The following MIER3 variants were observed in gnomAD, a reference collection of about 807,000 sequenced individuals.
MIER3 encodes the protein mesoderm induction early response protein 3.
Under a neutral mutation model 63.2 loss-of-function variants are expected in MIER3, and 9 were observed. The observed-to-expected ratio is 0.14, with a 90% confidence interval of 0.09 to 0.25. The LOEUF (loss-of-function observed/expected upper bound fraction) is 0.25. MIER3 is among the 10% of genes least tolerant of loss of function. MIER3 has a pLI of 1.00. For missense variants in MIER3, 512 were observed against 666.2 expected (o/e 0.77, Z 2.55); for synonymous variants, 205 against 224.9 (o/e 0.91, Z 0.79).
intron 2 of MIER3, among the ~76,000 whole-genome samples, chr5:56,948,076 A>G (rs974484272): frequency 6.6e-6 from 1 of 152,210 alleles, no homozygotes; most frequent in African/African-American, 2.4e-5. Flanking sequence ...TACTCAACAT[A>G]AAAAGTTTAA....
At position 56,950,585 on chromosome 5, in the gene MIER3, T is replaced by G. The variant is rs375274921; in HGVS notation, c.34+43A>C. ...TAGCAACAGACCTTTGAGCCCACAT[T>G]ACCCACTGGGAACCACCGAAGACGT... On this transcript the variant is annotated intron_variant, in intron 2 of 12. Coordinates refer to ENST00000381199, the MANE Select transcript of MIER3 (RefSeq NM_001297599.2). 1.5e-5 allele frequency: 24 copies of G among 1,608,168 alleles called. No individual in the cohort carries two copies. In the South Asian group the frequency reaches 2.4e-4, roughly 16 times the overall value.
chr5:56,951,715 G>A (rs1751040045), intron 1 of MIER3, among the ~76,000 whole-genome samples: 1 of 138,434 alleles, frequency 7.2e-6, no homozygotes, highest in Non-Finnish European at 1.6e-5. Flanking sequence ...GGCTCCGCCG[G>A]TTTCCACCCA....
Position 56,923,827 on chromosome 5 carries a change from A to G in MIER3, c.1059T>C (p.Tyr353=), listed in dbSNP as rs142734866. ...RYNHHPGVTD[Y]MDRLVDETEA... is the part of the protein sequence containing the mutation. ...CTGTTTCATCTACTAAACGATCCAT[A>G]TAGTCCCTGAAAAACACACCCCAGT... The change falls in exon 12 of 13, where the codon TAT becomes TAC. Residue 353 remains tyrosine (Y), a synonymous_variant. Coordinates refer to ENST00000381199, the MANE Select transcript of MIER3 (RefSeq NM_001297599.2). 13 of 1,614,172 alleles carry G rather than the reference A, an allele frequency of 8.1e-6. No homozygotes were observed. The African/African-American group carries it at 1.6e-4, about 20-fold the overall frequency.
intron 10 of MIER3, 47 bp from the exon 11 acceptor site, chr5:56,924,089 T>G: frequency 6.3e-7 from 1 of 1,582,836 alleles, no homozygotes; most frequent in Non-Finnish European, 8.6e-7. Context: ...CTCAACCATT[T>G]TTTTAAGCAA....
Position 56,921,380 on chromosome 5 carries a change from G to T in MIER3, c.*1748C>A, listed in dbSNP as rs925044535. 1 of 152,310 alleles carries T rather than the reference G, an allele frequency of 6.6e-6. No individual in the cohort carries two copies. Among genetic ancestry groups the T allele is most frequent in the African/African-American group, 2.4e-5 (1 of 41,436 alleles). The allele number at this position is 152,310 out of a possible 1,614,324, so 9.4% of individuals were successfully genotyped here. A position where few individuals can be genotyped will look rare whatever the true frequency, so the allele number is the denominator to read the frequency against. On this transcript the variant is annotated 3_prime_UTR_variant, in exon 13 of 13. Transcript: ENST00000381199. ...TACAAGAAAGTAACACAGAGCCCAG[G>T]CTACCCATTATTTACTGTGTGCATA...
chr5:56,946,787 C>T (rs62356563), intron 3 of MIER3, 139 bp downstream of exon 3: 10,917 of 655,222 alleles, frequency 0.017, 135 homozygotes, highest in Non-Finnish European at 0.02. Context: ...TGAAAGCATA[C>T]TTATTAGGCT....
chr5:56,950,143 T>C (rs990977474), intron 2 of MIER3, among the ~76,000 whole-genome samples: 1 of 152,216 alleles, frequency 6.6e-6, no homozygotes, highest in Admixed American at 6.5e-5. Flanking sequence ...TTTATTAAGG[T>C]AGCTTTACCT....
At chr5:56,931,005 T>A (rs78130637) in intron 8 of MIER3, among the ~76,000 whole-genome samples, 1 of 137,196 alleles carries the variant, frequency 7.3e-6, no homozygotes, top group African/African-American at 2.7e-5. Flanking sequence ...GACTTTTTTT[T>A]AAAAACAAAC....
At chr5:56,928,736 T>C in intron 10 of MIER3, 31 bp downstream of exon 10, 1 of 1,477,420 alleles carries the variant, frequency 6.8e-7, no homozygotes, top group Non-Finnish European at 9.3e-7. Flanking sequence ...CTGTAACTAG[T>C]AATTTATCTG....
chr5:56,923,255 G>T lies in MIER3; in HGVS notation c.1526C>A (p.Thr509Lys). 6.2e-7 allele frequency: 1 copy of T among 1,614,120 alleles called. No individual in the cohort carries two copies. The highest frequency in any genetic ancestry group is 8.5e-7 in the Non-Finnish European group (1 of 1,180,024). ...CATTTTGGCACTGGTGATGTGATGT[G>T]TGTGATTTTCAAAGTCCACACCCAG... ...NNLGVDFENH[T>K]HHITSAKMAV... The change falls in exon 13 of 13, where the codon ACA becomes AAA. Residue 509 changes from threonine (T) to lysine (K), a missense_variant. By Grantham distance (78) the Thr-to-Lys change is moderately conservative (BLOSUM62 -1). This residue lies in a region of MIER3 where 218 missense variants were observed against 251.2 expected (regional missense o/e 0.87). Transcript: ENST00000381199.
chr5:56,945,505 C>A (rs543033342), intron 3 of MIER3, among the ~76,000 whole-genome samples: 1 of 152,094 alleles, frequency 6.6e-6, no homozygotes, highest in African/African-American at 2.4e-5. Context: ...CTATTAAAAG[C>A]TCTCAGATGG....
intron 2 of MIER3, among the ~76,000 whole-genome samples, chr5:56,949,541 T>A (rs1183241363): frequency 6.6e-6 from 1 of 152,172 alleles, no homozygotes; most frequent in Admixed American, 6.5e-5. Flanking sequence ...TTAACAAAAA[T>A]TTTTAGAATT....
intron 4 of MIER3, 47 bp from the exon 5 acceptor site, chr5:56,937,745 CATTA>C (rs1166862915): frequency 4.0e-6 from 6 of 1,485,828 alleles, no homozygotes; most frequent in Non-Finnish European, 5.4e-6. Flanking sequence ...GATTACATCT[CATTA>C]ATTAAGAAAA....
At chr5:56,927,486 G>C (rs1750049793) in intron 10 of MIER3, among the ~76,000 whole-genome samples, 1 of 152,034 alleles carries the variant, frequency 6.6e-6, no homozygotes, top group African/African-American at 2.4e-5. Flanking sequence ...CTTCCTTTAG[G>C]ATGAAAAGAG....
rs186474275 is a variant in MIER3, at chr5:56,940,116, G to A, written c.181-1099C>T. 5.9e-5 allele frequency among the ~76,000 whole-genome samples: 9 copies of A among 152,244 alleles called. No individual in the cohort carries two copies. The East Asian group carries it at 9.6e-4, about 16-fold the overall frequency. The stretch of plus-strand genomic sequence containing the variant: ...AGGCCGAGGCAGGCAGATCACTTGA[G>A]GTCAGGAGTTCGAGACCAGCCTGGC... On this transcript the variant is annotated intron_variant, in intron 3 of 12. Transcript: ENST00000381199.
At chr5:56,950,675 T>C in intron 1 of MIER3, 23 bp from the exon 2 acceptor site, 3 of 1,611,676 alleles carry the variant, frequency 1.9e-6, no homozygotes, top group Non-Finnish European at 8.5e-7. Context: ...GAAGAAAACG[T>C]GAGGTTAGAT....
intron 10 of MIER3, among the ~76,000 whole-genome samples, chr5:56,924,923 C>A (rs1298379247): frequency 6.6e-6 from 1 of 152,180 alleles, no homozygotes; most frequent in Admixed American, 6.5e-5. Flanking sequence ...ATACAGTATA[C>A]CTTTCAATAA....
rs779818143 is a variant in MIER3, at chr5:56,935,788, AT to A, written c.437-38del. On this transcript the variant is annotated intron_variant, in intron 5 of 12. Coordinates refer to ENST00000381199, the MANE Select transcript of MIER3 (RefSeq NM_001297599.2). ...AAAATTAAAAAGGTTTTTACTGCCT[AT>A]TTTTGCAGAACCTGGAAGAATGCCT... 3.3e-6 allele frequency: 5 copies of A among 1,503,270 alleles called. No individual in the cohort carries two copies. The South Asian group carries it at 5.7e-5, about 17-fold the overall frequency. The allele number at this position is 1,503,270 out of a possible 1,614,324, so 93.1% of individuals were successfully genotyped here.
chr5:56,922,921 C>T lies in MIER3; in HGVS notation c.*207G>A. On this transcript the variant is annotated 3_prime_UTR_variant, in exon 13 of 13. Coordinates refer to ENST00000381199, the MANE Select transcript of MIER3 (RefSeq NM_001297599.2). ...CACCACAGAGTTCAATCTTAGTTCC[C>T]AACTCTGCTGATCATAGTTCATTTC... 1 of 564,218 alleles carries T rather than the reference C, an allele frequency of 1.8e-6. No individual in the cohort carries two copies. The highest frequency in any genetic ancestry group is 3.1e-6 in the Non-Finnish European group (1 of 317,464). 35.0% of individuals were successfully genotyped at this position (564,218 alleles called of 1,614,324 possible).
Sources: gnomAD v4.1 joint callset for allele counts (sites outside exome capture counted in the v4.1 genomes callset) on GRCh38, gnomAD v4.1.1 for gene constraint, gnomAD v4.1.1 regional missense constraint, MANE v1.5 for transcripts, NCBI Gene and HGNC (gene_info 2026-07-23, HGNC 2026-07-21) for gene names.